SNTG1: variants seen among roughly 807,000 people sequenced by gnomAD.
SNTG1 encodes the protein gamma-1-syntrophin.
A neutral mutation model predicts 74.7 loss-of-function variants in SNTG1; 39 were observed. The ratio of observed to expected loss-of-function variants is 0.52; its 90% confidence interval spans 0.40 to 0.68. The LOEUF (loss-of-function observed/expected upper bound fraction) is 0.68. SNTG1 is among the 30% of genes least tolerant of loss of function. SNTG1 has a pLI of 0.00. For missense variants in SNTG1, 685 were observed against 609.5 expected, an observed-to-expected ratio of 1.12 and a Z score of -1.30; for synonymous variants, 254 against 217.1, an observed-to-expected ratio of 1.17 and a Z score of -1.49.
chr8:49,963,697 C>T (rs1194655979), intron 1 of SNTG1, among the ~76,000 whole-genome samples: 13 of 152,176 alleles, frequency 8.5e-5, no homozygotes, highest in Non-Finnish European at 1.5e-5. Context: ...GGTCTTTGCA[C>T]TGTACCTTCT....
At chr8:50,236,449 A>ATT (rs201903542) in intron 2 of SNTG1, among the ~76,000 whole-genome samples, 112 of 96,518 alleles carry the variant, frequency 1.2e-3, no homozygotes, top group Middle Eastern at 5.2e-3. Flanking sequence ...TTTAATTGTA[A>ATT]ATTTTTTTTT....
At chr8:50,445,580 A>G (rs1159227557) in intron 5 of SNTG1, among the ~76,000 whole-genome samples, 1 of 152,206 alleles carries the variant, frequency 6.6e-6, no homozygotes, top group Non-Finnish European at 1.5e-5. Flanking sequence ...AGAGCTAGCT[A>G]TAAAATCCAC....
chr8:50,731,302 C>T (rs2095512399), intron 17 of SNTG1, among the ~76,000 whole-genome samples: 1 of 152,024 alleles, frequency 6.6e-6, no homozygotes, highest in African/African-American at 2.4e-5. Context: ...TCCCCTTGAT[C>T]TCATTCGATG....
intron 9 of SNTG1, among the ~76,000 whole-genome samples, chr8:50,519,764 T>C (rs1026017665): frequency 1.3e-5 from 2 of 152,080 alleles, no homozygotes; most frequent in Admixed American, 1.3e-4. Flanking sequence ...AAGGACCTCT[T>C]CAAGGAGAAC....
At chr8:50,002,494 A>C (rs1324320484) in intron 1 of SNTG1, among the ~76,000 whole-genome samples, 1 of 152,200 alleles carries the variant, frequency 6.6e-6, no homozygotes. Context: ...ATTTAAGGTC[A>C]ACAATAAAAA....
At chr8:50,093,759 T>G (rs1480483789) in intron 1 of SNTG1, among the ~76,000 whole-genome samples, 1 of 152,102 alleles carries the variant, frequency 6.6e-6, no homozygotes, top group Non-Finnish European at 1.5e-5. Context: ...AAAGTCCACA[T>G]CCATGGAGGA....
intron 2 of SNTG1, among the ~76,000 whole-genome samples, chr8:50,260,031 A>G (rs1372638818): frequency 2.0e-5 from 3 of 152,278 alleles, no homozygotes; most frequent in Admixed American, 1.3e-4. Context: ...CACCAAAAAG[A>G]TTGGAGAAAA....
At chr8:50,613,686 G>C (rs558474880) in intron 13 of SNTG1, among the ~76,000 whole-genome samples, 5 of 152,160 alleles carry the variant, frequency 3.3e-5, no homozygotes, top group Admixed American at 2.6e-4. Flanking sequence ...TTGGAGGGTA[G>C]TTTTGTGCTG....
intron 1 of SNTG1, among the ~76,000 whole-genome samples, chr8:49,918,005 A>G (rs190625405): frequency 2.0e-5 from 3 of 152,326 alleles, no homozygotes; most frequent in Non-Finnish European, 4.4e-5. Flanking sequence ...ACTACATGCT[A>G]GATTCCACAC....
At chr8:49,972,181 T>G (rs318897) in intron 1 of SNTG1, among the ~76,000 whole-genome samples, 133,148 of 152,102 alleles carry the variant, frequency 0.88, 58,449 homozygotes, top group East Asian at 1. Flanking sequence ...TTGACCAATG[T>G]AACAGAACAG....
intron 2 of SNTG1, among the ~76,000 whole-genome samples, chr8:50,391,047 T>G (rs1029382209): frequency 2.6e-5 from 4 of 152,176 alleles, no homozygotes; most frequent in African/African-American, 9.7e-5. Flanking sequence ...CTTTTCCAAA[T>G]TGAGTACCCT....
At chr8:50,122,687 G>C (rs1381221436) in intron 1 of SNTG1, among the ~76,000 whole-genome samples, 1 of 141,940 alleles carries the variant, frequency 7.0e-6, no homozygotes, top group Non-Finnish European at 1.6e-5. Flanking sequence ...AATAGAGGCA[G>C]GAGGATAGTA....
intron 2 of SNTG1, among the ~76,000 whole-genome samples, chr8:50,324,194 T>G (rs1012951493): frequency 6.6e-6 from 1 of 152,196 alleles, no homozygotes; most frequent in Non-Finnish European, 1.5e-5. Flanking sequence ...TTTTCCCTCC[T>G]TGTGCCGGCC....
At chr8:50,696,373 C>T (rs948666764) in intron 15 of SNTG1, among the ~76,000 whole-genome samples, 4 of 151,902 alleles carry the variant, frequency 2.6e-5, no homozygotes, top group African/African-American at 9.7e-5. Context: ...TATTAGCCCT[C>T]TCTTAGTTGC....
rs1184757558 is a variant in SNTG1, at chr8:50,188,345, C to T, written c.-28+15710C>T. 6.6e-5 allele frequency among the ~76,000 whole-genome samples: 10 copies of T among 152,208 alleles called. No homozygotes were observed. The East Asian group carries it at 1.9e-3, about 29-fold the overall frequency. On this transcript the variant is annotated intron_variant, in intron 2 of 18. Transcript: ENST00000642720. ...CTCTGCTTCCAGGCAAAATGAACAA[C>T]CAGGTGCACTCATCCACGTTCTGCC...
intron 2 of SNTG1, among the ~76,000 whole-genome samples, chr8:50,304,800 A>G (rs2089807550): frequency 1.3e-5 from 2 of 152,150 alleles, no homozygotes; most frequent in African/African-American, 2.4e-5. Flanking sequence ...TTGTGTGACC[A>G]CTATTTCTTA....
At chr8:50,113,445 C>T (rs1173196549) in intron 1 of SNTG1, among the ~76,000 whole-genome samples, 4 of 152,144 alleles carry the variant, frequency 2.6e-5, no homozygotes, top group Non-Finnish European at 5.9e-5. Flanking sequence ...TATCCTGAGA[C>T]TTTGCTGAAG....
At chr8:50,363,258 A>G (rs765588923) in intron 2 of SNTG1, among the ~76,000 whole-genome samples, 31 of 152,134 alleles carry the variant, frequency 2.0e-4, no homozygotes, top group Non-Finnish European at 4.1e-4. Context: ...CGGAAAATAA[A>G]CAAGTATGAT....
chr8:50,077,413 A>AT (rs1563559113), intron 1 of SNTG1, among the ~76,000 whole-genome samples: 4 of 152,032 alleles, frequency 2.6e-5, no homozygotes, highest in Non-Finnish European at 5.9e-5. Context: ...CAGAGCAATA[A>AT]TTTTTTCTGT....
Sources: gnomAD v4.1 joint callset for allele counts (sites outside exome capture counted in the v4.1 genomes callset) on GRCh38, gnomAD v4.1.1 for gene constraint, MANE v1.5 for transcripts, NCBI Gene and HGNC (gene_info 2026-07-23, HGNC 2026-07-21) for gene names.